The following COG6 variants were observed in gnomAD, a reference collection of about 807,000 sequenced individuals.
COG6 encodes the protein conserved oligomeric Golgi complex subunit 6.
Under a neutral mutation model 88.8 loss-of-function variants are expected in COG6, and 74 were observed. That is an observed-to-expected ratio of 0.83 (90% CI 0.69 to 1.01). COG6 has a LOEUF of 1.01. COG6 is among the 50% of genes least tolerant of loss of function. The pLI is 0.00. For missense variants in COG6, 800 were observed against 797.9 expected (o/e 1.00, Z -0.03); for synonymous variants, 286 against 278.7 (o/e 1.03, Z -0.26).
intron 7 of COG6, among the ~76,000 whole-genome samples, chr13:39,680,767 T>A (rs1366104061): frequency 1.3e-5 from 2 of 152,172 alleles, no homozygotes; most frequent in African/African-American, 4.8e-5. Context: ...AAGCCAGCAA[T>A]GTCAGGTCAT....
At chr13:39,748,567 A>G (rs748141718) in intron 18 of COG6, among the ~76,000 whole-genome samples, 6 of 152,046 alleles carry the variant, frequency 3.9e-5, no homozygotes, top group Non-Finnish European at 7.4e-5. Context: ...GTGAGCCAAG[A>G]TCATGCCACT....
At chr13:39,683,961 A>G (rs1251829598) in intron 8 of COG6, among the ~76,000 whole-genome samples, 3 of 152,198 alleles carry the variant, frequency 2.0e-5, no homozygotes, top group Non-Finnish European at 4.4e-5. Flanking sequence ...AAATGAGGAT[A>G]ATAATAGTGC....
chr13:39,748,701 C>G (rs1880467772), intron 18 of COG6, among the ~76,000 whole-genome samples: 1 of 152,088 alleles, frequency 6.6e-6, no homozygotes, highest in African/African-American at 2.4e-5. Context: ...TCCCTTTCAG[C>G]AGAAAGGTAG....
Position 39,704,629 on chromosome 13 carries a change from G to A in COG6, c.1284+5011G>A, listed in dbSNP as rs148337384. Among the ~76,000 whole-genome samples, 283 of 152,176 alleles carry A rather than the reference G, an allele frequency of 1.9e-3. 2 individuals carry two copies. The highest frequency in any genetic ancestry group is 0.011 in the Admixed American group (172 of 15,268). The stretch of plus-strand genomic sequence containing the variant: ...ATCTATGTAAATGTGGACCTTTGTG[G>A]TTTAAACATGTGTTGTTTAAGGGTC... On this transcript the variant is annotated intron_variant, in intron 13 of 18. Coordinates refer to ENST00000455146, the MANE Select transcript of COG6 (RefSeq NM_020751.3).
At chr13:39,659,620 C>A in intron 2 of COG6, 113 bp downstream of exon 2, 1 of 822,744 alleles carries the variant, frequency 1.2e-6, no homozygotes, top group Non-Finnish European at 2.0e-6. Context: ...ATACTATGCC[C>A]AAATAGAAAG....
In COG6 at chr13:39,679,998, CCTTA is replaced by C. The variant is rs1345713239; in HGVS notation, c.651_654del (p.Leu217PhefsTer20). ...AGTTTAGAAATTATGGAACAGATGG[CCTTA>C]CTTCAAGAAACGGCTTATGAAAGAC... On this transcript the variant is annotated frameshift_variant, in exon 7 of 19. Transcript: ENST00000455146. LOFTEE classifies it high-confidence loss of function. The C allele has an allele frequency of 6.3e-6, 10 of 1,577,452 alleles. No individual in the cohort carries two copies. Among genetic ancestry groups the C allele is most frequent in the Non-Finnish European group, 7.8e-6 (9 of 1,148,766 alleles).
chr13:39,659,589 G>T, intron 2 of COG6, 82 bp downstream of exon 2: 2 of 1,230,128 alleles, frequency 1.6e-6, no homozygotes, highest in Non-Finnish European at 2.4e-6. Flanking sequence ...TTTGAATTAG[G>T]TTGATATGTT....
Position 39,679,633 on chromosome 13 carries a change from T to C in COG6, c.623+13T>C. 3 of 1,513,474 alleles carry C rather than the reference T, an allele frequency of 2.0e-6. No homozygotes were observed. Among genetic ancestry groups the C allele is most frequent in the Non-Finnish European group, 2.8e-6 (3 of 1,088,268 alleles). The allele number at this position is 1,513,474 out of a possible 1,614,324, so 93.8% of individuals were successfully genotyped here. On this transcript the variant is annotated intron_variant, in intron 6 of 18. Transcript: ENST00000455146. ...AACAAACGGCAGGGTGAGTAACTGC[T>C]CACTGAACTAATTGCATTGCTGCTT...
chr13:39,764,782 T>G (rs1881117958), intron 18 of COG6, among the ~76,000 whole-genome samples: 1 of 152,112 alleles, frequency 6.6e-6, no homozygotes, highest in African/African-American at 2.4e-5. Flanking sequence ...TGGTCCAACA[T>G]ATGATTTGTT....
chr13:39,756,256 A>G (rs1182708727), downstream of COG6, among the ~76,000 whole-genome samples: 2 of 152,170 alleles, frequency 1.3e-5, no homozygotes, highest in Non-Finnish European at 2.9e-5. Context: ...AATAAATAAT[A>G]CACTATAGGG....
At chr13:39,724,912 C>T (rs984319659) in intron 17 of COG6, among the ~76,000 whole-genome samples, 2 of 151,860 alleles carry the variant, frequency 1.3e-5, no homozygotes, top group African/African-American at 4.8e-5. Context: ...TACCTTGATC[C>T]TTCGTTTAAA....
intron 13 of COG6, among the ~76,000 whole-genome samples, chr13:39,702,000 A>T (rs1445121932): frequency 1.3e-5 from 2 of 152,062 alleles, no homozygotes; most frequent in Non-Finnish European, 2.9e-5. Context: ...AAAAAAGAAA[A>T]TTAGAAGTTT....
chr13:39,752,825 T>C (rs1196214832), downstream of COG6, among the ~76,000 whole-genome samples: 1 of 152,202 alleles, frequency 6.6e-6, no homozygotes, highest in Admixed American at 6.5e-5. Context: ...AATCTATTAA[T>C]ATAACACCTA....
rs549273008 is a variant in COG6 at position 39,713,684 on chromosome 13, C to T, written c.1285-5552C>T. Among the ~76,000 whole-genome samples, 366 of 151,848 alleles carry T rather than the reference C, an allele frequency of 2.4e-3. 1 individual carries two copies. Among genetic ancestry groups the T allele is most frequent in the Non-Finnish European group, 4.2e-3 (287 of 67,950 alleles). On this transcript the variant is annotated intron_variant, in intron 13 of 18. Coordinates refer to ENST00000455146, the MANE Select transcript of COG6 (RefSeq NM_020751.3). The stretch of plus-strand genomic sequence containing the variant: ...CTGGGAGGTGGAGCTTGCAGTGAGC[C>T]GAGATCATGCCACTGCACTCCAGCC...
chr13:39,724,639 C>A, intron 17 of COG6, 78 bp downstream of exon 17: 2 of 1,104,902 alleles, frequency 1.8e-6, no homozygotes, highest in Non-Finnish European at 2.8e-6. Flanking sequence ...GTGATAATTT[C>A]ATTCTGGGTG....
chr13:39,719,494 A>G, intron 14 of COG6, 127 bp downstream of exon 14: 1 of 1,181,664 alleles, frequency 8.5e-7, no homozygotes, highest in Non-Finnish European at 1.2e-6. Context: ...TCCATCAAAT[A>G]TTAAACCAGT....
chr13:39,760,154 G>A (rs1292575940), intron 18 of COG6, among the ~76,000 whole-genome samples: 7 of 152,102 alleles, frequency 4.6e-5, no homozygotes, highest in Admixed American at 3.3e-4. Flanking sequence ...TCAAAAATTG[G>A]TCTCCTGTTT....
chr13:39,698,589 A>G (rs1877402637), intron 12 of COG6, among the ~76,000 whole-genome samples: 1 of 151,940 alleles, frequency 6.6e-6, no homozygotes. Flanking sequence ...TGCTTTTATA[A>G]TACATGTGGT....
intron 18 of COG6, among the ~76,000 whole-genome samples, chr13:39,746,481 T>G (rs987460247): frequency 6.6e-6 from 1 of 152,170 alleles, no homozygotes; most frequent in African/African-American, 2.4e-5. Context: ...ATAGGGTGTT[T>G]AGTTGATAAG....
Sources: allele counts gnomAD v4.1 joint callset (sites outside exome capture counted in the v4.1 genomes callset), GRCh38; gene constraint gnomAD v4.1.1; transcripts MANE v1.5; gene names NCBI Gene and HGNC (gene_info 2026-07-23, HGNC 2026-07-21).